The following GLIS3 variants were observed in gnomAD, a reference collection of about 807,000 sequenced individuals.
GLIS3 encodes zinc finger protein GLIS3.
In GLIS3, 53 loss-of-function variants were observed where a neutral mutation model predicts 78.6. That is an observed-to-expected ratio of 0.67 (90% confidence interval 0.54 to 0.85). GLIS3 has a LOEUF of 0.85. GLIS3 is among the 40% of genes least tolerant of loss of function. The probability of loss-of-function intolerance (pLI) is 0.00; values close to 1 mark genes in which losing one functional copy is unlikely to be tolerated. For synonymous variants in GLIS3, 684 were observed against 509.9 expected (o/e 1.34, Z -4.60); for missense variants, 1,703 against 1,231.1 (o/e 1.38, Z -5.74).
At chr9:4,148,076 C>A (rs1235567076) in intron 2 of GLIS3, among the ~76,000 whole-genome samples, 2 of 151,380 alleles carry the variant, frequency 1.3e-5, no homozygotes, top group Admixed American at 6.6e-5. Flanking sequence ...CCTTTTTTTT[C>A]TTTTGCATAG....
At chr9:4,358,211 G>A in the GLIS3 span, among the ~76,000 whole-genome samples, 1 of 152,144 alleles carries the variant, frequency 6.6e-6, no homozygotes, top group Non-Finnish European at 1.5e-5. Flanking sequence ...AATACTAGTT[G>A]CTGCTAGAAA....
intron 4 of GLIS3, among the ~76,000 whole-genome samples, chr9:4,097,805 G>C (rs541592634): frequency 2.6e-5 from 4 of 152,222 alleles, no homozygotes; most frequent in African/African-American, 9.6e-5. Context: ...AAAGGTGCCA[G>C]ATTTGCATCA....
At position 4,161,563 on chromosome 9, in the gene GLIS3, G is replaced by C. The variant is rs532583439; in HGVS notation, c.389-35622C>G. Reference sequence around the variant, plus strand: ...GCCCCAGTTATTATGGTAAGAAGCAGATACTTCACTTGCTGTATTAGTTTT... The same window carrying C: ...GCCCCAGTTATTATGGTAAGAAGCACATACTTCACTTGCTGTATTAGTTTT... On this transcript the variant is annotated intron_variant, in intron 2 of 10. Coordinates refer to ENST00000381971, the MANE Select transcript of GLIS3 (RefSeq NM_001042413.2). Among the ~76,000 whole-genome samples, 6 of 151,850 alleles carry C rather than the reference G, an allele frequency of 4.0e-5. No individual in the cohort carries two copies. The East Asian group carries it at 9.7e-4, about 25-fold the overall frequency.
intron 6 of GLIS3, among the ~76,000 whole-genome samples, chr9:3,914,566 G>A (rs1296495597): frequency 6.6e-6 from 1 of 152,078 alleles, no homozygotes; most frequent in Non-Finnish European, 1.5e-5. Flanking sequence ...ATGTAAATGA[G>A]CAATCCTTCC....
chr9:4,477,827 T>A, the GLIS3 span, among the ~76,000 whole-genome samples: 1 of 152,134 alleles, frequency 6.6e-6, no homozygotes, highest in East Asian at 1.9e-4. Flanking sequence ...GCCACCAAAC[T>A]GTACACTTAA....
At chr9:4,071,989 A>G (rs1344494220) in intron 4 of GLIS3, 1 of 152,212 alleles carries the variant, frequency 6.6e-6, no homozygotes, top group Non-Finnish European at 1.5e-5. Context: ...CGCTTTGGCC[A>G]GAGAATAAAG....
intron 4 of GLIS3, among the ~76,000 whole-genome samples, chr9:4,092,496 T>G (rs1178243211): frequency 6.6e-6 from 1 of 152,198 alleles, no homozygotes; most frequent in Non-Finnish European, 1.5e-5. Context: ...CCACAATATT[T>G]CCTTTCTTTA....
chr9:4,374,398 C>T, the GLIS3 span, among the ~76,000 whole-genome samples: 2 of 152,204 alleles, frequency 1.3e-5, no homozygotes, highest in African/African-American at 4.8e-5. Flanking sequence ...TTGAAACTTC[C>T]ACCTTATAGC....
the GLIS3 span, among the ~76,000 whole-genome samples, chr9:4,403,802 G>C: frequency 6.6e-6 from 1 of 151,766 alleles, no homozygotes; most frequent in Non-Finnish European, 1.5e-5. Context: ...AGGAAGGAAG[G>C]AAAGAAGGAA....
chr9:4,469,381 T>C, the GLIS3 span, among the ~76,000 whole-genome samples: 853 of 152,260 alleles, frequency 5.6e-3, 1 homozygote, highest in Non-Finnish European at 9.5e-3. Flanking sequence ...ACCACATAGT[T>C]GGAAGTAAAG....
intron 2 of GLIS3, among the ~76,000 whole-genome samples, chr9:4,251,430 T>G (rs117010369): frequency 2.4e-5 from 3 of 124,708 alleles, no homozygotes; most frequent in Admixed American, 7.9e-5. Flanking sequence ...GATTGCAATC[T>G]TTTTTTTTTT....
chr9:3,904,248 AAAAACAGAAGATT>A (rs2130639716), intron 6 of GLIS3, among the ~76,000 whole-genome samples: 1 of 152,316 alleles, frequency 6.6e-6, no homozygotes, highest in Non-Finnish European at 1.5e-5. Context: ...AGTTGACTTT[AAAAACAGAAGATT>A]ATCCCCTACA....
At chr9:4,238,217 T>C (rs575015899) in intron 2 of GLIS3, among the ~76,000 whole-genome samples, 2 of 152,222 alleles carry the variant, frequency 1.3e-5, no homozygotes, top group African/African-American at 2.4e-5. Flanking sequence ...ACCGAAACAA[T>C]GTGGCTAAAA....
chr9:4,319,890 T>G (rs551681279), intron 2 of GLIS3, among the ~76,000 whole-genome samples: 33 of 152,308 alleles, frequency 2.2e-4, no homozygotes, highest in African/African-American at 7.5e-4. Flanking sequence ...ATGAATGATT[T>G]AGAACCAGAA....
chr9:4,165,718 C>G (rs1835832058), intron 2 of GLIS3, among the ~76,000 whole-genome samples: 1 of 152,150 alleles, frequency 6.6e-6, no homozygotes, highest in Non-Finnish European at 1.5e-5. Context: ...TGCAGATATC[C>G]AGATAGAACT....
At chr9:4,398,426 G>C in the GLIS3 span, among the ~76,000 whole-genome samples, 1 of 152,034 alleles carries the variant, frequency 6.6e-6, no homozygotes, top group Non-Finnish European at 1.5e-5. Context: ...GCACATTCAA[G>C]TGTCCTCTAC....
the GLIS3 span, among the ~76,000 whole-genome samples, chr9:4,355,903 T>C: frequency 6.6e-6 from 1 of 152,236 alleles, no homozygotes; most frequent in Non-Finnish European, 1.5e-5. Context: ...TGAAATGTTC[T>C]ATATCTTGAT....
intron 4 of GLIS3, among the ~76,000 whole-genome samples, chr9:3,959,640 C>T (rs1199735810): frequency 2.0e-5 from 3 of 152,170 alleles, no homozygotes; most frequent in African/African-American, 7.2e-5. Context: ...AAGCCCTTCC[C>T]ACCTCAGGGC....
intron 4 of GLIS3, among the ~76,000 whole-genome samples, chr9:3,956,769 A>C (rs1817139970): frequency 6.6e-6 from 1 of 152,200 alleles, no homozygotes; most frequent in Non-Finnish European, 1.5e-5. Flanking sequence ...TTACAGAAAC[A>C]ATCTTAGTTG....
Sources: allele counts gnomAD v4.1 joint callset (sites outside exome capture counted in the v4.1 genomes callset), GRCh38; gene constraint gnomAD v4.1.1; transcripts MANE v1.5; gene names NCBI Gene and HGNC (gene_info 2026-07-23, HGNC 2026-07-21).